Variants in NRG4 observed in about 807,000 individuals in gnomAD.
The protein encoded by NRG4 is pro-neuregulin-4, membrane-bound isoform.
NRG4 carries 10 observed loss-of-function variants against 15.0 expected under a neutral mutation model. The ratio of observed to expected loss-of-function variants is 0.67; its 90% CI spans 0.41 to 1.13. The LOEUF is 1.13. Among genes scored for constraint, NRG4 ranks in the 50% most tolerant of loss-of-function variants. The pLI, the probability that NRG4 is intolerant of heterozygous loss-of-function variation, is 0.00. For missense variants in NRG4, 139 were observed against 140.2 expected (o/e 0.99, Z 0.04); for synonymous variants, 41 against 50.1 (o/e 0.82, Z 0.77).
At chr15:76,039,123 G>A (rs558389165) in intron 4 of NRG4, among the ~76,000 whole-genome samples, 1 of 152,172 alleles carries the variant, frequency 6.6e-6, no homozygotes, top group East Asian at 1.9e-4. Context: ...TTGAATACCT[G>A]GAAAACCTTC....
At chr15:76,020,771 A>G (rs1477798651) in intron 5 of NRG4, among the ~76,000 whole-genome samples, 1 of 152,236 alleles carries the variant, frequency 6.6e-6, no homozygotes, top group African/African-American at 2.4e-5. Context: ...TATAAATTCT[A>G]TGAAGGCCGA....
chr15:76,042,737 A>C (rs2035774014), intron 4 of NRG4, among the ~76,000 whole-genome samples: 1 of 152,188 alleles, frequency 6.6e-6, no homozygotes, highest in South Asian at 2.1e-4. Flanking sequence ...TTTAAAAAAG[A>C]ACTAATACCA....
chr15:76,007,427 C>CTT (rs61259541), intron 3 of NRG4, among the ~76,000 whole-genome samples: 77 of 133,496 alleles, frequency 5.8e-4, no homozygotes, highest in Non-Finnish European at 7.1e-4. Context: ...ATTAAACGCA[C>CTT]TTTTTTTTTT....
At chr15:75,955,874 TAAC>T in intron 5 of NRG4, 55 bp downstream of exon 5, 2 of 980,922 alleles carry the variant, frequency 2.0e-6, no homozygotes, top group Non-Finnish European at 3.2e-6. Context: ...TCCCTACATC[TAAC>T]AACAACAGTC....
At chr15:76,044,164 AT>A (rs750591728) in intron 4 of NRG4, among the ~76,000 whole-genome samples, 9,243 of 140,966 alleles carry the variant, frequency 0.066, 862 homozygotes, top group African/African-American at 0.21. Flanking sequence ...CGCCCGGCTA[AT>A]TTTTTTTTTT....
At chr15:75,944,763 GTGTGT>G (rs2031361506) in intron 5 of NRG4, among the ~76,000 whole-genome samples, 1 of 150,692 alleles carries the variant, frequency 6.6e-6, no homozygotes, top group African/African-American at 2.5e-5. Context: ...TTTTGTGTGT[GTGTGT>G]GGGGGGGTGG....
chr15:75,996,969 T>C (rs934760958), intron 3 of NRG4, among the ~76,000 whole-genome samples: 1 of 152,126 alleles, frequency 6.6e-6, no homozygotes, highest in African/African-American at 2.4e-5. Context: ...TAGGTGTCAA[T>C]GAGAGAAAAA....
At chr15:76,008,037 C>G (rs1041358051) in intron 3 of NRG4, among the ~76,000 whole-genome samples, 26 of 152,146 alleles carry the variant, frequency 1.7e-4, no homozygotes, top group African/African-American at 5.6e-4. Context: ...TGGAAATGTT[C>G]TATATCTAGA....
chr15:76,057,250 CT>C (rs918473472), intron 1 of NRG4: 19 of 152,214 alleles, frequency 1.2e-4, no homozygotes, highest in African/African-American at 4.6e-4. Flanking sequence ...AGTCAACCCC[CT>C]GATATTAGAT....
At chr15:76,017,155 CTTTTTTTTTTT>C (rs66838505), upstream of NRG4, among the ~76,000 whole-genome samples, 4 of 52,304 alleles carry the variant, frequency 7.6e-5, no homozygotes, top group East Asian at 8.9e-4. Context: ...CAACCCCTGC[CTTTTTTTTTTT>C]TTTTTTTTTT....
At chr15:76,010,749 A>G (rs1044254751) in intron 2 of NRG4, among the ~76,000 whole-genome samples, 1 of 152,130 alleles carries the variant, frequency 6.6e-6, no homozygotes, top group Non-Finnish European at 1.5e-5. Flanking sequence ...TTACATCAGC[A>G]TCAAAGGCGT....
chr15:75,985,736 T>C (rs2033777302), intron 3 of NRG4, among the ~76,000 whole-genome samples: 1 of 151,984 alleles, frequency 6.6e-6, no homozygotes, highest in Admixed American at 6.6e-5. Flanking sequence ...ACATCTTGAA[T>C]ATAAAAAATC....
At chr15:76,036,813 C>T (rs2141948354) in intron 4 of NRG4, among the ~76,000 whole-genome samples, 1 of 152,240 alleles carries the variant, frequency 6.6e-6, no homozygotes, top group South Asian at 2.1e-4. Context: ...TGCCTTTCCT[C>T]TAAGGACTGG....
At chr15:76,022,440 A>G (rs1350596083) in intron 5 of NRG4, among the ~76,000 whole-genome samples, 1 of 152,074 alleles carries the variant, frequency 6.6e-6, no homozygotes, top group Non-Finnish European at 1.5e-5. Flanking sequence ...ACACACACAC[A>G]CACACACACA....
chr15:75,989,421 ACTT>A (rs1055004556), intron 3 of NRG4, among the ~76,000 whole-genome samples: 1 of 151,850 alleles, frequency 6.6e-6, no homozygotes, highest in Non-Finnish European at 1.5e-5. Flanking sequence ...TTTGGCCATT[ACTT>A]CTTCAAATGC....
intron 3 of NRG4, among the ~76,000 whole-genome samples, chr15:76,006,047 G>C (rs1030162427): frequency 6.6e-6 from 1 of 152,164 alleles, no homozygotes; most frequent in Admixed American, 6.5e-5. Flanking sequence ...GTTTTAGCTG[G>C]ACAGATGATG....
chr15:75,937,964 C>CAGTT (rs1178707140), downstream of NRG4: 1 of 152,184 alleles, frequency 6.6e-6, no homozygotes, highest in Non-Finnish European at 1.5e-5. Context: ...AAATTAAGAA[C>CAGTT]AGTTACATAT....
chr15:75,993,997 C>T (rs1317633808), intron 3 of NRG4, among the ~76,000 whole-genome samples: 1 of 152,210 alleles, frequency 6.6e-6, no homozygotes, highest in Non-Finnish European at 1.5e-5. Flanking sequence ...CAAGGTCTGA[C>T]TCCACTGATT....
intron 2 of NRG4, 89 bp downstream of exon 2, chr15:76,011,132 T>A: frequency 1.8e-6 from 2 of 1,082,524 alleles, no homozygotes; most frequent in East Asian, 2.9e-5. Context: ...AAGGGAATAA[T>A]ACAGCCTTGT....
Sources: gnomAD v4.1 joint callset for allele counts (sites outside exome capture counted in the v4.1 genomes callset) on GRCh38, gnomAD v4.1.1 for gene constraint, MANE v1.5 for transcripts, NCBI Gene and HGNC (gene_info 2026-07-23, HGNC 2026-07-21) for gene names.